GHITM: variants seen among roughly 807,000 people sequenced by gnomAD.
GHITM encodes growth hormone-inducible transmembrane protein.
A neutral mutation model predicts 38.7 loss-of-function variants in GHITM; 24 were observed. The ratio of observed to expected loss-of-function variants is 0.62; its 90% confidence interval spans 0.45 to 0.87. The LOEUF (loss-of-function observed/expected upper bound fraction) is 0.87, where lower values mean the gene tolerates loss of function less well. GHITM is among the 40% of genes least tolerant of loss of function. The probability of loss-of-function intolerance (pLI) is 0.00; values close to 1 mark genes in which losing one functional copy is unlikely to be tolerated. For synonymous variants in GHITM, 154 were observed against 147.8 expected, an observed-to-expected ratio of 1.04 and a Z score of -0.30; for missense variants, 420 against 429.8, an observed-to-expected ratio of 0.98 and a Z score of 0.20.
At chr10:84,151,985 C>A (rs1287124310) in intron 8 of GHITM, among the ~76,000 whole-genome samples, 1 of 152,008 alleles carries the variant, frequency 6.6e-6, no homozygotes, top group Non-Finnish European at 1.5e-5. Flanking sequence ...CATTGTCTGC[C>A]ACCTAGTTTT....
intron 5 of GHITM, among the ~76,000 whole-genome samples, chr10:84,148,406 CCTCA>C (rs1462602252): frequency 7.9e-5 from 12 of 152,260 alleles, no homozygotes; most frequent in African/African-American, 2.4e-4. Context: ...GATTTTCCCA[CCTCA>C]CTCAGCCTCC....
Position 84,148,841 on chromosome 10 carries a change from A to G in GHITM, c.592+3A>G. The G allele has an allele frequency of 3.2e-6, 5 of 1,567,712 alleles. No individual in the cohort carries two copies. The highest frequency in any genetic ancestry group is 2.2e-5 in the East Asian group (1 of 44,660). On this transcript the variant is annotated splice_donor_region_variant and intron_variant, in intron 6 of 8. Transcript: ENST00000372134. ...TCTTGCTTGGTTGCTACATTCTGGT[A>G]TGTTCTGTTTTAAATTGTTACGAGA...
intron 5 of GHITM, among the ~76,000 whole-genome samples, chr10:84,146,088 A>G (rs1841554394): frequency 6.6e-6 from 1 of 152,200 alleles, no homozygotes; most frequent in Non-Finnish European, 1.5e-5. Context: ...TAAGTAGACA[A>G]GGGCGGTCCA....
chr10:84,149,375 C>T (rs369843509), intron 6 of GHITM, among the ~76,000 whole-genome samples: 74 of 152,228 alleles, frequency 4.9e-4, no homozygotes, highest in African/African-American at 1.5e-3. Context: ...ATTCTTTAAG[C>T]TAGTATTGAA....
chr10:84,148,900 T>G (rs1406459286), intron 6 of GHITM, 62 bp downstream of exon 6: 17 of 934,946 alleles, frequency 1.8e-5, no homozygotes, highest in Non-Finnish European at 3.0e-5. Flanking sequence ...GGGTGGCTCT[T>G]CACAGTTGTA....
In GHITM at chr10:84,142,681, G is replaced by GATCC; in HGVS notation, c.157_160dup (p.Arg54HisfsTer24). 6.2e-7 allele frequency: 1 copy of GATCC among 1,612,684 alleles called. No homozygotes were observed. Among genetic ancestry groups the GATCC allele is most frequent in the Non-Finnish European group, 8.5e-7 (1 of 1,179,042 alleles). ...AATATGCCACCAAAACAAGAATTGGGATCCGGCGTGGGAGAACTGGCCAAG... is the reference window on the plus strand; with the variant it reads ...AATATGCCACCAAAACAAGAATTGGGATCCATCCGGCGTGGGAGAACTGGCCAAG... On this transcript the variant is annotated frameshift_variant, in exon 3 of 9. Coordinates refer to ENST00000372134, the MANE Select transcript of GHITM (RefSeq NM_014394.3). LOFTEE classifies it high-confidence loss of function.
At position 84,141,525 on chromosome 10, in the gene GHITM, C is replaced by G. The variant is rs756260032; in HGVS notation, c.25C>G (p.Leu9Val). MLAARLVC[L>V]RTLPSRVFHP... ...CATGTTGGCTGCAAGGCTGGTGTGT[C>G]TCCGGACACTACCTTCTAGGGTTTT... The change falls in exon 2 of 9, where the codon CTC becomes GTC. Residue 9 changes from leucine to valine, a missense_variant. By Grantham distance (32) the Leu-to-Val change is conservative (BLOSUM62 1). Coordinates refer to ENST00000372134, the MANE Select transcript of GHITM (RefSeq NM_014394.3). 1 of 1,613,752 alleles carries G rather than the reference C, an allele frequency of 6.2e-7. No individual in the cohort carries two copies. The highest frequency in any genetic ancestry group is 8.5e-7 in the Non-Finnish European group (1 of 1,179,648).
At chr10:84,149,720 CTTGT>C (rs1841592631) in intron 6 of GHITM, among the ~76,000 whole-genome samples, 1 of 152,086 alleles carries the variant, frequency 6.6e-6, no homozygotes, top group African/African-American at 2.4e-5. Context: ...TTGTTTTAAG[CTTGT>C]TTATCTCAAT....
intron 3 of GHITM, among the ~76,000 whole-genome samples, chr10:84,143,525 T>C (rs1841528329): frequency 6.6e-6 from 1 of 152,256 alleles, no homozygotes; most frequent in East Asian, 1.9e-4. Flanking sequence ...CTCCTCTCAC[T>C]TGATTCTGCT....
chr10:84,141,174 G>A (rs1235971983), intron 1 of GHITM, among the ~76,000 whole-genome samples: 1 of 152,192 alleles, frequency 6.6e-6, no homozygotes, highest in Non-Finnish European at 1.5e-5. Flanking sequence ...CAGCCGTTCT[G>A]TGTTACACAT....
intron 5 of GHITM, among the ~76,000 whole-genome samples, chr10:84,146,717 G>A (rs897062708): frequency 1.3e-5 from 2 of 152,162 alleles, no homozygotes; most frequent in Admixed American, 6.5e-5. Context: ...GCCCTAAAAT[G>A]AGGCTTCAAA....
chr10:84,149,450 C>T (rs1204026503), intron 6 of GHITM, among the ~76,000 whole-genome samples: 2 of 152,138 alleles, frequency 1.3e-5, no homozygotes, highest in Non-Finnish European at 2.9e-5. Context: ...AAAAAGGTAA[C>T]TTATTCTTCT....
rs1483697698 is a variant in GHITM, at chr10:84,150,581, A to T, written c.782-128A>T. On this transcript the variant is annotated intron_variant, in intron 7 of 8. Coordinates refer to ENST00000372134, the MANE Select transcript of GHITM (RefSeq NM_014394.3). ...TAATGCAAATAAGATTAGACAGTAC[A>T]TGTACCCAGATGTCGTCTTACCTAC... 3 of 674,310 alleles carry T rather than the reference A, an allele frequency of 4.4e-6. No individual in the cohort carries two copies. The East Asian group carries it at 8.2e-5, about 18-fold the overall frequency. The allele number at this position is 674,310 out of a possible 1,614,324, so 41.8% of individuals were successfully genotyped here.
At chr10:84,147,688 A>G (rs1841569709) in intron 5 of GHITM, among the ~76,000 whole-genome samples, 1 of 152,174 alleles carries the variant, frequency 6.6e-6, no homozygotes, top group Non-Finnish European at 1.5e-5. Context: ...AAGGGCTACA[A>G]GTTTGCAATC....
In GHITM at chr10:84,141,632, A is replaced by G. The variant is rs778105659; in HGVS notation, c.129+3A>G. 5 of 1,613,406 alleles carry G rather than the reference A, an allele frequency of 3.1e-6. No homozygotes were observed. In the African/African-American group the frequency reaches 6.7e-5, roughly 22 times the overall value. ...AATGGCTGTTAACACCTAGCAGGGT[A>G]AAGATAATCTGAATGTTTTTATATT... On this transcript the variant is annotated splice_donor_region_variant and intron_variant, in intron 2 of 8. Transcript: ENST00000372134.
rs1424399881 is a variant in GHITM at position 84,150,862 on chromosome 10, A to G, written c.935A>G (p.Lys312Arg). The part of the protein sequence containing the change: ...AEVSPMYGVQ[K>R]YDPINSMLSI... ...GTATCACCAATGTATGGAGTTCAAA[A>G]ATATGATCCCATTAACTCGTAAGTA... Residue 312 changes from lysine to arginine, a missense_variant, in exon 8 of 9, where the codon AAA becomes AGA. Lys to Arg is a conservative substitution (Grantham distance 26, BLOSUM62 2). Transcript: ENST00000372134. 1.9e-6 allele frequency: 3 copies of G among 1,605,578 alleles called. No individual in the cohort carries two copies. Among genetic ancestry groups the G allele is most frequent in the South Asian group, 2.2e-5 (2 of 90,864 alleles).
chr10:84,140,972 T>G (rs967215740), intron 1 of GHITM, among the ~76,000 whole-genome samples: 6 of 152,236 alleles, frequency 3.9e-5, no homozygotes, highest in Non-Finnish European at 7.3e-5. Context: ...TGGCTTCTTT[T>G]AATACCTTTT....
chr10:84,142,740 A>C lies in GHITM; in HGVS notation c.215A>C (p.Glu72Ala), dbSNP rs759334596. The C allele has an allele frequency of 6.3e-7, 1 of 1,591,874 alleles. No individual in the cohort carries two copies. Among genetic ancestry groups the C allele is most frequent in the South Asian group, 1.1e-5 (1 of 90,300 alleles). The change falls in exon 3 of 9, where the codon GAA becomes GCA. Residue 72 changes from glutamate (E) to alanine (A), a missense_variant. Physicochemically the swap from Glu to Ala is moderately radical, Grantham distance 107 (BLOSUM62 -1). Transcript: ENST00000372134. ...LKEAALEPSM[E>A]KIFKIDQMGR... ...GAGGCAGCATTGGAACCATCGATGG[A>C]AAAAATATTTAAAAGTAGGTGGCTA...
intron 8 of GHITM, 46 bp from the exon 9 acceptor site, chr10:84,152,218 C>G: frequency 1.2e-6 from 1 of 842,870 alleles, no homozygotes; most frequent in Non-Finnish European, 2.0e-6. Context: ...TTCAACATCA[C>G]TATTAGAATT....
Sources: gnomAD v4.1 joint callset for allele counts (sites outside exome capture counted in the v4.1 genomes callset) on GRCh38, gnomAD v4.1.1 for gene constraint, MANE v1.5 for transcripts, NCBI Gene and HGNC (gene_info 2026-07-23, HGNC 2026-07-21) for gene names.